Variants in CTNNA3 observed in about 807,000 individuals in gnomAD.
CTNNA3 encodes the protein catenin alpha-3.
In CTNNA3, 76 loss-of-function variants were observed where a neutral mutation model predicts 95.7. The ratio of observed to expected loss-of-function variants is 0.79; its 90% confidence interval spans 0.66 to 0.96. CTNNA3 has a LOEUF of 0.96. CTNNA3 is among the 40% of genes least tolerant of loss of function. CTNNA3 has a pLI of 0.00. For missense variants in CTNNA3, 1,191 were observed against 1,089.8 expected (o/e 1.09, Z -1.31); for synonymous variants, 431 against 374.4 (o/e 1.15, Z -1.74).
chr10:66,069,041 C>T (rs2080373091), intron 15 of CTNNA3, among the ~76,000 whole-genome samples: 1 of 152,126 alleles, frequency 6.6e-6, no homozygotes, highest in African/African-American at 2.4e-5. Context: ...TAGTATGATA[C>T]ACAGAGCAGA....
intron 5 of CTNNA3, among the ~76,000 whole-genome samples, chr10:67,423,557 T>C (rs751986510): frequency 1.3e-5 from 2 of 152,150 alleles, no homozygotes; most frequent in Non-Finnish European, 2.9e-5. Flanking sequence ...TTCAAAAAGA[T>C]AGACACTAAA....
chr10:65,931,468 A>G (rs973255057), intron 17 of CTNNA3, among the ~76,000 whole-genome samples: 1 of 152,202 alleles, frequency 6.6e-6, no homozygotes, highest in Admixed American at 6.6e-5. Context: ...ATAACAAGAC[A>G]GTACGGTGCT....
chr10:66,677,503 T>C (rs576504120), intron 9 of CTNNA3, among the ~76,000 whole-genome samples: 6 of 152,228 alleles, frequency 3.9e-5, no homozygotes, highest in African/African-American at 1.4e-4. Context: ...TCATCTTGAA[T>C]TGTAGCACCC....
intron 3 of CTNNA3, among the ~76,000 whole-genome samples, chr10:67,584,871 G>A (rs1363312703): frequency 6.6e-6 from 1 of 152,244 alleles, no homozygotes; most frequent in Non-Finnish European, 1.5e-5. Flanking sequence ...TGAGCCATGT[G>A]CGGGATATAA....
At chr10:67,274,850 C>G (rs1839129247) in intron 5 of CTNNA3, among the ~76,000 whole-genome samples, 1 of 151,806 alleles carries the variant, frequency 6.6e-6, no homozygotes, top group Non-Finnish European at 1.5e-5. Context: ...ATTTTACTGA[C>G]AAAATATCAG....
intron 2 of CTNNA3, among the ~76,000 whole-genome samples, chr10:67,623,385 A>C (rs1487472764): frequency 6.6e-6 from 1 of 152,174 alleles, no homozygotes; most frequent in Non-Finnish European, 1.5e-5. Flanking sequence ...TCTTTGCATA[A>C]ATTGATATAT....
intron 6 of CTNNA3, among the ~76,000 whole-genome samples, chr10:67,217,591 G>A (rs542151181): frequency 5.9e-5 from 9 of 152,218 alleles, no homozygotes; most frequent in Admixed American, 2.6e-4. Context: ...CACATAACAC[G>A]CACACTTTCT....
At position 67,515,467 on chromosome 10, in the gene CTNNA3, G is replaced by C. The variant is rs79226990; in HGVS notation, c.579+6375C>G. On this transcript the variant is annotated intron_variant, in intron 5 of 17. Transcript: ENST00000433211. The stretch of plus-strand genomic sequence containing the variant: ...GAATAAAAATGAAATTGCATAAGTA[G>C]TGGATAGAATATGTTTGGGTTGGTT... 3.9e-5 allele frequency among the ~76,000 whole-genome samples: 6 copies of C among 152,356 alleles called. No individual in the cohort carries two copies. The East Asian group carries it at 1.2e-3, about 29-fold the overall frequency.
rs138897617 is a variant in CTNNA3 at position 66,108,779 on chromosome 10, C to G, written c.1885-5530G>C. Among the ~76,000 whole-genome samples the G allele has an allele frequency of 8.4e-4, 128 of 152,216 alleles. 1 individual carries two copies. Among genetic ancestry groups the G allele is most frequent in the African/African-American group, 3.0e-3 (123 of 41,556 alleles). On this transcript the variant is annotated intron_variant, in intron 13 of 17. Transcript: ENST00000433211. ...AAGGAGCAAACAATTTAATTACTGA[C>G]AAGCTTTTGTTATTGATCAATTTCA...
chr10:66,115,575 TA>T (rs1321085291), intron 13 of CTNNA3, among the ~76,000 whole-genome samples: 4,797 of 139,438 alleles, frequency 0.034, 114 homozygotes, highest in Non-Finnish European at 0.047. Context: ...GATAGACAGA[TA>T]GATGATAGAT....
chr10:65,946,182 A>G (rs1175820800), intron 17 of CTNNA3, among the ~76,000 whole-genome samples: 1 of 152,130 alleles, frequency 6.6e-6, no homozygotes. Context: ...TTTTTTGGTA[A>G]GTATAAAAAA....
At chr10:67,362,646 T>C (rs973672774) in intron 5 of CTNNA3, among the ~76,000 whole-genome samples, 5 of 152,012 alleles carry the variant, frequency 3.3e-5, no homozygotes, top group African/African-American at 1.2e-4. Context: ...ACAGCCAACA[T>C]CATACTGAAT....
intron 5 of CTNNA3, among the ~76,000 whole-genome samples, chr10:67,280,222 A>C (rs1427729151): frequency 1.3e-5 from 2 of 150,396 alleles, no homozygotes; most frequent in African/African-American, 4.9e-5. Context: ...AAAGGCACAG[A>C]ATTGTCTTTT....
In CTNNA3 at chr10:66,926,734, T is replaced by G. The variant is rs146819031; in HGVS notation, c.1048-151210A>C. The G allele has an allele frequency of 8.8e-3, 9,476 of 1,073,858 alleles. 75 individuals are homozygous for G. The highest frequency in any genetic ancestry group is 0.011 in the Non-Finnish European group (8,596 of 747,922). 66.5% of individuals were successfully genotyped at this position (1,073,858 alleles called of 1,614,324 possible). A position where few individuals can be genotyped will look rare whatever the true frequency, so the allele number is the denominator to read the frequency against. ...TTTATTTGCTTAGTGGCATGTTTCC[T>G]TGTTTAACTATTTAAAAAAACAAAA... On this transcript the variant is annotated intron_variant, in intron 7 of 17. Coordinates refer to ENST00000433211, the MANE Select transcript of CTNNA3 (RefSeq NM_013266.4).
intron 7 of CTNNA3, among the ~76,000 whole-genome samples, chr10:67,010,321 C>T (rs1318744327): frequency 6.6e-6 from 1 of 152,078 alleles, no homozygotes; most frequent in Non-Finnish European, 1.5e-5. Flanking sequence ...GATACAGTAA[C>T]AGAAAATCCA....
At chr10:67,000,531 TACA>T (rs1366996551) in intron 7 of CTNNA3, among the ~76,000 whole-genome samples, 3 of 152,292 alleles carry the variant, frequency 2.0e-5, no homozygotes, top group Admixed American at 6.5e-5. Context: ...ATCACAAAAT[TACA>T]ACAAGCTAAA....
chr10:67,414,671 G>C lies in CTNNA3; in HGVS notation c.579+107171C>G, dbSNP rs151160154. Among the ~76,000 whole-genome samples the C allele has an allele frequency of 2.0e-5, 3 of 152,214 alleles. No individual in the cohort carries two copies. The East Asian group carries it at 5.8e-4, about 29-fold the overall frequency. On this transcript the variant is annotated intron_variant, in intron 5 of 17. Transcript: ENST00000433211. Reference sequence around the variant, plus strand: ...ACTAATATCCCTCATAAACACAGATGCAAAAATCCTCAACAAATATTAGCA... The same window carrying C: ...ACTAATATCCCTCATAAACACAGATCCAAAAATCCTCAACAAATATTAGCA...
chr10:67,095,388 A>G (rs966032584), intron 7 of CTNNA3, among the ~76,000 whole-genome samples: 1 of 151,812 alleles, frequency 6.6e-6, no homozygotes, highest in African/African-American at 2.4e-5. Flanking sequence ...GGCATAAAGT[A>G]TTTCAAAATA....
intron 14 of CTNNA3, among the ~76,000 whole-genome samples, chr10:66,090,962 G>C (rs1394620204): frequency 6.6e-6 from 1 of 151,868 alleles, no homozygotes; most frequent in Non-Finnish European, 1.5e-5. Context: ...GTAATTTTTA[G>C]AATATTAGAA....
Sources: allele counts gnomAD v4.1 joint callset (sites outside exome capture counted in the v4.1 genomes callset), GRCh38; gene constraint gnomAD v4.1.1; transcripts MANE v1.5; gene names NCBI Gene and HGNC (gene_info 2026-07-23, HGNC 2026-07-21).